Variants in DGKB observed in about 807,000 individuals in gnomAD.
The protein encoded by DGKB is 90 kDa diacylglycerol kinase.
A neutral mutation model predicts 114.3 loss-of-function variants in DGKB; 67 were observed. The observed-to-expected ratio is 0.59, with a 90% CI of 0.48 to 0.72. DGKB has a LOEUF of 0.72. DGKB is among the 30% of genes least tolerant of loss of function. The pLI, the probability that DGKB is intolerant of heterozygous loss-of-function variation, is 0.00. For synonymous variants in DGKB, 398 were observed against 323.1 expected (o/e 1.23, Z -2.49); for missense variants, 907 against 975.2 (o/e 0.93, Z 0.93).
At chr7:14,287,552 C>T (rs11974509) in intron 23 of DGKB, among the ~76,000 whole-genome samples, 18,157 of 152,068 alleles carry the variant, frequency 0.12, 3,171 homozygotes, top group African/African-American at 0.38. Flanking sequence ...TTCTACCGCA[C>T]GGTCTACATG....
At chr7:14,158,427 A>T (rs774462236) in intron 25 of DGKB, among the ~76,000 whole-genome samples, 3 of 152,164 alleles carry the variant, frequency 2.0e-5, no homozygotes, top group Non-Finnish European at 2.9e-5. Context: ...CAGAGAGCAT[A>T]ATTATTTCTG....
At chr7:14,182,231 T>A (rs1782736541) in intron 23 of DGKB, among the ~76,000 whole-genome samples, 3 of 152,126 alleles carry the variant, frequency 2.0e-5, no homozygotes, top group African/African-American at 7.2e-5. Flanking sequence ...TTATTTTTTT[T>A]ATTTTTATCT....
chr7:14,754,586 A>C (rs56006272), intron 3 of DGKB, among the ~76,000 whole-genome samples: 1 of 125,406 alleles, frequency 8.0e-6, no homozygotes, highest in African/African-American at 3.8e-5. Context: ...AAGAAAAAAA[A>C]AATGTGTGGA....
At chr7:14,304,054 C>CAA (rs1804021590) in intron 23 of DGKB, among the ~76,000 whole-genome samples, 1 of 46,448 alleles carries the variant, frequency 2.2e-5, no homozygotes, top group African/African-American at 1.2e-4. Context: ...AGAACACACA[C>CAA]ACACACACAC....
intron 23 of DGKB, among the ~76,000 whole-genome samples, chr7:14,306,845 G>T (rs1804567031): frequency 6.6e-6 from 1 of 152,138 alleles, no homozygotes; most frequent in Non-Finnish European, 1.5e-5. Context: ...ATGCTACGAT[G>T]CTTTTGGCTC....
intron 21 of DGKB, among the ~76,000 whole-genome samples, chr7:14,458,085 G>A (rs779554623): frequency 1.4e-4 from 21 of 152,018 alleles, no homozygotes; most frequent in Non-Finnish European, 1.0e-4. Context: ...TAAAAAAAAC[G>A]ATGCTCTAAA....
At chr7:14,702,399 C>T (rs1042333121) in intron 6 of DGKB, among the ~76,000 whole-genome samples, 2 of 152,086 alleles carry the variant, frequency 1.3e-5, no homozygotes, top group African/African-American at 2.4e-5. Flanking sequence ...GATCATGGCT[C>T]TCATGGTTTA....
At chr7:14,244,669 C>CAAAAA (rs34364672) in intron 23 of DGKB, among the ~76,000 whole-genome samples, 4 of 46,396 alleles carry the variant, frequency 8.6e-5, no homozygotes, top group African/African-American at 2.5e-4. Flanking sequence ...GACTCTGTCT[C>CAAAAA]AAAAAAAAAA....
Position 14,822,399 on chromosome 7 carries a change from A to T in DGKB, c.70+18795T>A, listed in dbSNP as rs554625314. On this transcript the variant is annotated intron_variant, in intron 2 of 25. Coordinates refer to ENST00000402815, the MANE Select transcript of DGKB (RefSeq NM_001350709.2). ...TTTAAAAAGGAGAATGAAAAGGATA[A>T]TCAGATATAGGGTAGGAAAGAAGAA... 2.0e-5 allele frequency among the ~76,000 whole-genome samples: 3 copies of T among 152,212 alleles called. No individual in the cohort carries two copies. In the South Asian group the frequency reaches 6.2e-4, roughly 32 times the overall value.
intron 21 of DGKB, among the ~76,000 whole-genome samples, chr7:14,365,368 T>C (rs1027014883): frequency 6.6e-6 from 1 of 152,042 alleles, no homozygotes; most frequent in African/African-American, 2.4e-5. Context: ...ATTATAATCC[T>C]TAACTTCACG....
At chr7:14,461,914 C>T (rs1287316733) in intron 21 of DGKB, among the ~76,000 whole-genome samples, 2 of 152,052 alleles carry the variant, frequency 1.3e-5, no homozygotes, top group Non-Finnish European at 2.9e-5. Context: ...GCAACGATCA[C>T]CTTGACCTCA....
intron 23 of DGKB, among the ~76,000 whole-genome samples, chr7:14,319,219 G>A (rs62443935): frequency 0.11 from 16,139 of 150,876 alleles, 2,462 homozygotes; most frequent in African/African-American, 0.34. Context: ...GCACACCAGC[G>A]TGGCACATGT....
At chr7:14,477,547 C>T (rs375139409) in intron 21 of DGKB, among the ~76,000 whole-genome samples, 8 of 152,058 alleles carry the variant, frequency 5.3e-5, no homozygotes, top group African/African-American at 1.2e-4. Flanking sequence ...GGGGAAGATA[C>T]GGAACCAAGG....
chr7:14,971,854 C>T (rs574432037), intron 1 of DGKB, among the ~76,000 whole-genome samples: 33 of 151,502 alleles, frequency 2.2e-4, no homozygotes, highest in Non-Finnish European at 3.7e-4. Flanking sequence ...CCTCAGCCTC[C>T]GGGGTTCAAG....
At chr7:14,182,099 T>C (rs724735) in intron 23 of DGKB, among the ~76,000 whole-genome samples, 68,156 of 152,008 alleles carry the variant, frequency 0.45, 17,840 homozygotes, top group African/African-American at 0.73. Context: ...ACTTTGTCAC[T>C]GATAAATATC....
intron 23 of DGKB, among the ~76,000 whole-genome samples, chr7:14,289,903 C>G (rs1801489923): frequency 6.6e-6 from 1 of 152,130 alleles, no homozygotes; most frequent in African/African-American, 2.4e-5. Context: ...GAGGAAAAAA[C>G]AGTAGCATAT....
intron 21 of DGKB, among the ~76,000 whole-genome samples, chr7:14,432,411 A>G (rs1828590927): frequency 6.6e-6 from 1 of 152,190 alleles, no homozygotes; most frequent in Non-Finnish European, 1.5e-5. Context: ...CCATGTCTGT[A>G]GCACTTTTCC....
chr7:14,687,417 C>T (rs1821907220), intron 9 of DGKB, among the ~76,000 whole-genome samples: 1 of 152,140 alleles, frequency 6.6e-6, no homozygotes. Flanking sequence ...AATTTTCTTT[C>T]AAAACCTAAG....
At chr7:14,299,208 T>A (rs988669005) in intron 23 of DGKB, among the ~76,000 whole-genome samples, 11 of 151,974 alleles carry the variant, frequency 7.2e-5, no homozygotes, top group South Asian at 2.1e-4. Flanking sequence ...AGAAGGAGAG[T>A]ATTGGAGGAA....
Sources: allele counts gnomAD v4.1 joint callset (sites outside exome capture counted in the v4.1 genomes callset), GRCh38; gene constraint gnomAD v4.1.1; transcripts MANE v1.5; gene names NCBI Gene and HGNC (gene_info 2026-07-23, HGNC 2026-07-21).